Variants in PPA1 observed in about 807,000 individuals in gnomAD.
The protein encoded by PPA1 is inorganic pyrophosphatase.
Under a neutral mutation model 41.8 loss-of-function variants are expected in PPA1, and 23 were observed. The ratio of observed to expected loss-of-function variants is 0.55; its 90% CI spans 0.40 to 0.78. The LOEUF (loss-of-function observed/expected upper bound fraction) is 0.78, where lower values mean the gene tolerates loss of function less well. PPA1 is among the 30% of genes least tolerant of loss of function. PPA1 has a pLI of 0.00. For missense variants in PPA1, 320 were observed against 361.6 expected (o/e 0.89, Z 0.93); for synonymous variants, 101 against 116.8 (o/e 0.86, Z 0.87).
chr10:70,207,622 T>C (rs66572918), intron 8 of PPA1, among the ~76,000 whole-genome samples: 29,555 of 152,068 alleles, frequency 0.19, 3,790 homozygotes, highest in African/African-American at 0.35. Flanking sequence ...ATAGTAACAC[T>C]GCACTTCAGC....
intron 4 of PPA1, among the ~76,000 whole-genome samples, chr10:70,216,260 G>A (rs959492280): frequency 6.6e-6 from 1 of 152,034 alleles, no homozygotes; most frequent in Non-Finnish European, 1.5e-5. Context: ...GGCCGAGGCA[G>A]GCAGATCACA....
intron 2 of PPA1, among the ~76,000 whole-genome samples, chr10:70,220,612 TTATATATAATTTATATATATATA>T (rs1840133234): frequency 4.0e-4 from 1 of 2,470 alleles, no homozygotes; most frequent in African/African-American, 1.3e-3. Flanking sequence ...TATATATATA[TTATATATAATTTATATATATATA>T]ATATATATAA....
chr10:70,205,344 C>CCAG (rs1839926012), intron 9 of PPA1: 4 of 151,128 alleles, frequency 2.6e-5, no homozygotes, highest in African/African-American at 9.8e-5. Flanking sequence ...CCACTGCACT[C>CCAG]CAGTCTGGGC....
chr10:70,205,622 T>C (rs1359633995), intron 9 of PPA1: 2 of 152,160 alleles, frequency 1.3e-5, no homozygotes, highest in Non-Finnish European at 2.9e-5. Flanking sequence ...TAAAACTAAA[T>C]GTACTGGTTT....
chr10:70,221,376 C>T (rs1840167047), intron 2 of PPA1, among the ~76,000 whole-genome samples: 1 of 151,750 alleles, frequency 6.6e-6, no homozygotes, highest in Admixed American at 6.6e-5. Context: ...ACTAAAGCAT[C>T]CATAGGTTTC....
intron 3 of PPA1, 151 bp from the exon 4 acceptor site, chr10:70,218,082 G>C (rs1358487967): frequency 1.4e-6 from 1 of 698,882 alleles, no homozygotes; most frequent in East Asian, 3.0e-5. Flanking sequence ...GAACTAAGGT[G>C]TTTCCATAAT....
intron 2 of PPA1, among the ~76,000 whole-genome samples, chr10:70,222,335 CAAA>C (rs67974203): frequency 6.8e-5 from 5 of 73,146 alleles, no homozygotes; most frequent in East Asian, 4.6e-4. Flanking sequence ...GACTCCGTCT[CAAA>C]AAAAAAAAAA....
At chr10:70,216,425 T>C (rs543429821) in intron 4 of PPA1, among the ~76,000 whole-genome samples, 25 of 150,410 alleles carry the variant, frequency 1.7e-4, no homozygotes, top group African/African-American at 5.6e-4. Flanking sequence ...AGGCAGAAGA[T>C]GCAGTGAGCC....
rs541890660 is a variant in PPA1, at chr10:70,216,312, C to G, written c.297+1500G>C. On this transcript the variant is annotated intron_variant, in intron 4 of 10. Coordinates refer to ENST00000373232, the MANE Select transcript of PPA1 (RefSeq NM_021129.4). ...ACCAGCCTGGCCAATACAGTGAAAC[C>G]CTGTCTCTAATAAAAATACAAAAAA... Among the ~76,000 whole-genome samples the G allele has an allele frequency of 7.9e-5, 12 of 152,008 alleles. 1 individual carries two copies. The South Asian group carries it at 2.5e-3, about 32-fold the overall frequency.
chr10:70,218,768 AT>A lies in PPA1; in HGVS notation c.172del (p.Met58TrpfsTer9). ...VEVPRWSNAKMEIATKDPLNP... is the reference protein window; with the variant it reads ...VEVPRWSNAKXEIATKDPLNP... ...AAATGTAAGGTGAAATATTACCTCCATTTTTGCATTAGACCAGCGTGGTACT... is the reference window on the plus strand; with the variant it reads ...AAATGTAAGGTGAAATATTACCTCCATTTTGCATTAGACCAGCGTGGTACT... On this transcript the variant is annotated frameshift_variant, in exon 3 of 11. Transcript: ENST00000373232. LOFTEE classifies it high-confidence loss of function. 6.2e-7 allele frequency: 1 copy of A among 1,608,256 alleles called. No individual in the cohort carries two copies.
At position 70,233,348 on chromosome 10, in the gene PPA1, G is replaced by C. The variant is rs1426143755; in HGVS notation, c.-21C>G. The stretch of plus-strand genomic sequence containing the variant: ...CTCATAGTGCCGGAGTCCTGCCGCC[G>C]CCGCTGCCACAGAGCCACCAGCCCG... On this transcript the variant is annotated 5_prime_UTR_variant, in exon 1 of 11. Coordinates refer to ENST00000373232, the MANE Select transcript of PPA1 (RefSeq NM_021129.4). 2.0e-6 allele frequency: 3 copies of C among 1,532,408 alleles called. No individual in the cohort carries two copies. The highest frequency in any genetic ancestry group is 2.6e-6 in the Non-Finnish European group (3 of 1,141,884). The allele number at this position is 1,532,408 out of a possible 1,614,324, so 94.9% of individuals were successfully genotyped here.
intron 7 of PPA1, 87 bp from the exon 8 acceptor site, chr10:70,209,377 T>A: frequency 7.6e-7 from 1 of 1,310,000 alleles, no homozygotes; most frequent in Non-Finnish European, 1.1e-6. Context: ...ATACTTTGTC[T>A]CTTCTGAATC....
At chr10:70,209,061 TG>T (rs1589890887) in intron 8 of PPA1, 143 bp downstream of exon 8, 3 of 543,042 alleles carry the variant, frequency 5.5e-6, no homozygotes, top group Non-Finnish European at 9.4e-6. Context: ...CCCAAAGTGC[TG>T]GAATGACAGG....
chr10:70,220,860 C>T (rs865854304), intron 2 of PPA1, among the ~76,000 whole-genome samples: 8 of 32,518 alleles, frequency 2.5e-4, no homozygotes, highest in African/African-American at 5.6e-4. Context: ...ATATATAATT[C>T]TTATATATAT....
chr10:70,228,782 T>C (rs1366402652), intron 2 of PPA1, among the ~76,000 whole-genome samples: 1 of 152,194 alleles, frequency 6.6e-6, no homozygotes, highest in East Asian at 1.9e-4. Context: ...GGAAGCAATG[T>C]AAAAATTGGA....
intron 6 of PPA1, among the ~76,000 whole-genome samples, chr10:70,210,571 T>C (rs1020304174): frequency 3.3e-5 from 5 of 152,166 alleles, no homozygotes; most frequent in Non-Finnish European, 5.9e-5. Context: ...ATTTTAAGTT[T>C]CTGTATAGCC....
At position 70,230,496 on chromosome 10, in the gene PPA1, CTG is replaced by C. The variant is rs1047472349; in HGVS notation, c.65-99_65-98del. The C allele has an allele frequency of 6.5e-6, 8 of 1,228,508 alleles. No individual in the cohort carries two copies. The African/African-American group carries it at 1.2e-4, about 19-fold the overall frequency. 76.1% of individuals were successfully genotyped at this position (1,228,508 alleles called of 1,614,324 possible). A position where few individuals can be genotyped will look rare whatever the true frequency, so the allele number is the denominator to read the frequency against. The stretch of plus-strand genomic sequence containing the variant: ...TTTTTCTGAGATAAGGTCCCTTACT[CTG>C]TCACCCAGGATGGTGTGCAATGGTG... On this transcript the variant is annotated intron_variant, in intron 1 of 10. Transcript: ENST00000373232.
At chr10:70,209,164 G>T in intron 8 of PPA1, 41 bp downstream of exon 8, 2 of 1,390,652 alleles carry the variant, frequency 1.4e-6, no homozygotes, top group Non-Finnish European at 2.0e-6. Flanking sequence ...CTGCAAGCTG[G>T]TCTGCTTTGT....
intron 5 of PPA1, 121 bp downstream of exon 5, chr10:70,214,377 CAA>C: frequency 5.2e-6 from 4 of 769,068 alleles, no homozygotes; most frequent in Middle Eastern, 3.9e-4. Flanking sequence ...CCTTTAATAC[CAA>C]AGAGACATCA....
Sources: allele counts gnomAD v4.1 joint callset (sites outside exome capture counted in the v4.1 genomes callset), GRCh38; gene constraint gnomAD v4.1.1; transcripts MANE v1.5; gene names NCBI Gene and HGNC (gene_info 2026-07-23, HGNC 2026-07-21).